The following C11orf71 variants were observed in gnomAD, a reference collection of about 807,000 sequenced individuals.
C11orf71 encodes the protein chromosome 11 open reading frame 71.
For missense variants in C11orf71, 179 were observed against 167.6 expected (o/e 1.07, Z -0.38); for synonymous variants, 72 against 73.4 (o/e 0.98, Z 0.09).
At chr11:114,394,262 CTT>C (rs796831484), downstream of C11orf71, among the ~76,000 whole-genome samples, 6,908 of 63,694 alleles carry the variant, frequency 0.11, 511 homozygotes, top group East Asian at 0.24. Context: ...CTTTTCTTTT[CTT>C]TTCTTTTCTT....
At chr11:114,397,750 A>C (rs1321637728), downstream of C11orf71, among the ~76,000 whole-genome samples, 1 of 152,144 alleles carries the variant, frequency 6.6e-6, no homozygotes, top group East Asian at 1.9e-4. Context: ...TATGCTTCCA[A>C]TGCATATTTA....
chr11:114,400,214 C>A lies in C11orf71; in HGVS notation c.118G>T (p.Gly40Cys), dbSNP rs763167777. The A allele has an allele frequency of 3.7e-6, 6 of 1,612,738 alleles. No individual in the cohort carries two copies. The African/African-American group carries it at 5.3e-5, about 14-fold the overall frequency. ...ASALAMVSGDGFLVSRPEAIH... is the reference protein window; with the variant it reads ...ASALAMVSGDCFLVSRPEAIH... Reference sequence around the variant, plus strand: ...GCTTCAGGCCTGGAAACGAGGAAGCCGTCTCCGGAGACCATCGCCAACGCT... The same window carrying A: ...GCTTCAGGCCTGGAAACGAGGAAGCAGTCTCCGGAGACCATCGCCAACGCT... The change falls in exon 1 of 1, where the codon GGC (glycine) becomes TGC (cysteine). Residue 40 changes from glycine to cysteine, a missense_variant. Physicochemically the swap from Gly to Cys is radical, Grantham distance 159. Transcript: ENST00000623205.
rs386374967 is a variant in C11orf71 at position 114,392,529 on chromosome 11, C to CAAA, written c.344-867_344-865dup. Among the ~76,000 whole-genome samples the CAAA allele has an allele frequency of 9.9e-3, 499 of 50,306 alleles. 2 individuals carry two copies. Among genetic ancestry groups the CAAA allele is most frequent in the Middle Eastern group, 0.019 (1 of 52 alleles). 33.0% of individuals were successfully genotyped at this position (50,306 alleles called of 152,430 possible). Reference sequence around the variant, plus strand: ...CTCCAGCCTAGGTGATAGAATGAGACAAAAAAAAAAAAAAAAAAAAAGAAG... The same window carrying CAAA: ...CTCCAGCCTAGGTGATAGAATGAGACAAAAAAAAAAAAAAAAAAAAAAAAGAAG... On this transcript the variant is annotated intron_variant, in intron 1 of 1. Coordinates refer to the C11orf71 transcript ENST00000325636.
downstream of C11orf71, among the ~76,000 whole-genome samples, chr11:114,397,008 A>G (rs1423241629): frequency 6.6e-6 from 1 of 152,200 alleles, no homozygotes. Flanking sequence ...CAAAACAAAA[A>G]TAACACAACT....
At chr11:114,397,855 C>A (rs1387323420), downstream of C11orf71, among the ~76,000 whole-genome samples, 1 of 152,178 alleles carries the variant, frequency 6.6e-6, no homozygotes, top group African/African-American at 2.4e-5. Flanking sequence ...CTCCCAAGTG[C>A]CCTCATTTGC....
At chr11:114,392,940 A>G (rs1024215427) in intron 1 of C11orf71, among the ~76,000 whole-genome samples, 2 of 152,218 alleles carry the variant, frequency 1.3e-5, no homozygotes, top group Admixed American at 6.5e-5. Flanking sequence ...TCTGCAAACT[A>G]AGGCCTGAAG....
At chr11:114,394,272 C>CTTTTCTTTTCTT (rs1555024256), downstream of C11orf71, among the ~76,000 whole-genome samples, 2 of 64,570 alleles carry the variant, frequency 3.1e-5, no homozygotes, top group African/African-American at 8.6e-5. Context: ...CTTTTCTTTT[C>CTTTTCTTTTCTT]TTTTCTTTTC....
In C11orf71 at chr11:114,398,857, A is replaced by G. The variant is rs899620562; in HGVS notation, c.*1103T>C. On this transcript the variant is annotated 3_prime_UTR_variant, in exon 1 of 1. Coordinates refer to ENST00000623205, the MANE Select transcript of C11orf71 (RefSeq NM_001271562.2). Reference sequence around the variant, plus strand: ...AAGATAATTATTTTAAGGAAGTCTAAACAGACAAGCGTCTGCTGGGAAAAA... The same window carrying G: ...AAGATAATTATTTTAAGGAAGTCTAGACAGACAAGCGTCTGCTGGGAAAAA... The G allele has an allele frequency of 6.6e-6, 1 of 152,172 alleles. No homozygotes were observed. Among genetic ancestry groups the G allele is most frequent in the African/African-American group, 2.4e-5 (1 of 41,438 alleles). 9.4% of individuals were successfully genotyped at this position (152,172 alleles called of 1,614,324 possible). A position where few individuals can be genotyped will look rare whatever the true frequency, so the allele number is the denominator to read the frequency against.
chr11:114,392,732 CA>C lies in C11orf71; in HGVS notation c.344-1068del, dbSNP rs200970936. Among the ~76,000 whole-genome samples, 244 of 64,472 alleles carry C rather than the reference CA, an allele frequency of 3.8e-3. 1 individual carries two copies. The highest frequency in any genetic ancestry group is 7.1e-3 in the African/African-American group (115 of 16,210). The allele number at this position is 64,472 out of a possible 152,430, so 42.3% of individuals were successfully genotyped here. A position where few individuals can be genotyped will look rare whatever the true frequency, so the allele number is the denominator to read the frequency against. Reference sequence around the variant, plus strand: ...TGAGCAATAGAGTAAGATCCTGTCTCAAAAAAAAAAAAACAAAAAAAAATTG... The same window carrying C: ...TGAGCAATAGAGTAAGATCCTGTCTCAAAAAAAAAAAACAAAAAAAAATTG... On this transcript the variant is annotated intron_variant, in intron 1 of 1. Transcript: ENST00000325636.
downstream of C11orf71, among the ~76,000 whole-genome samples, chr11:114,394,287 C>CTTTTCTTTTT (rs1405828880): frequency 1.4e-5 from 1 of 71,356 alleles, no homozygotes; most frequent in Non-Finnish European, 2.6e-5. Context: ...CTTTTCTTTT[C>CTTTTCTTTTT]TCTTATTTTC....
At position 114,399,274 on chromosome 11, in the gene C11orf71, C is replaced by T. The variant is rs943149665; in HGVS notation, c.*686G>A. ...GAACAAACACACATTTCAAGGAGGGCACTACAGTGAGTAGATGAACAGTTT... is the reference window on the plus strand; with the variant it reads ...GAACAAACACACATTTCAAGGAGGGTACTACAGTGAGTAGATGAACAGTTT... On this transcript the variant is annotated 3_prime_UTR_variant, in exon 1 of 1. Coordinates refer to ENST00000623205, the MANE Select transcript of C11orf71 (RefSeq NM_001271562.2). The T allele has an allele frequency of 1.3e-5, 2 of 152,100 alleles. No homozygotes were observed. Among genetic ancestry groups the T allele is most frequent in the African/African-American group, 4.8e-5 (2 of 41,388 alleles). 9.4% of individuals were successfully genotyped at this position (152,100 alleles called of 1,614,324 possible).
chr11:114,393,254 G>A (rs1482284180), intron 1 of C11orf71, among the ~76,000 whole-genome samples: 2 of 152,182 alleles, frequency 1.3e-5, no homozygotes, highest in African/African-American at 4.8e-5. Context: ...CAAGAAGCAA[G>A]ATCTCCACAC....
At chr11:114,393,105 A>G (rs1946085611) in intron 1 of C11orf71, among the ~76,000 whole-genome samples, 1 of 152,224 alleles carries the variant, frequency 6.6e-6, no homozygotes, top group Non-Finnish European at 1.5e-5. Flanking sequence ...TATGTTTCTC[A>G]AACCTAAAAT....
rs1258084555 is a variant in C11orf71, at chr11:114,400,278, G to A, written c.54C>T (p.Ala18=). Residue 18 remains alanine (A), a synonymous_variant, in exon 1 of 1, where the codon GCC becomes GCT. Coordinates refer to ENST00000623205, the MANE Select transcript of C11orf71 (RefSeq NM_001271562.2). ...LSSGDQRSRV[A]YRSSHGDLRP... is the part of the protein sequence containing the mutation. ...TGAGGTCGCCATGGGAAGAGCGGTAGGCCACCCTGCTCCTCTGATCACCGG... is the reference window on the plus strand; with the variant it reads ...TGAGGTCGCCATGGGAAGAGCGGTAAGCCACCCTGCTCCTCTGATCACCGG... 5 of 1,610,628 alleles carry A rather than the reference G, an allele frequency of 3.1e-6. No individual in the cohort carries two copies. The highest frequency in any genetic ancestry group is 4.2e-6 in the Non-Finnish European group (5 of 1,178,518).
In C11orf71 at chr11:114,400,426, T is replaced by C. The variant is rs900623166; in HGVS notation, c.-95A>G. ...TCAGTCCAGCCTGTGTCGGACCCGA[T>C]GACTAAGCACACAGGAACCCATAAC... On this transcript the variant is annotated 5_prime_UTR_variant, in exon 1 of 1. Coordinates refer to ENST00000623205, the MANE Select transcript of C11orf71 (RefSeq NM_001271562.2). 35 of 1,440,336 alleles carry C rather than the reference T, an allele frequency of 2.4e-5. No homozygotes were observed. In the African/African-American group the frequency reaches 4.2e-4, roughly 17 times the overall value. The allele number at this position is 1,440,336 out of a possible 1,614,324, so 89.2% of individuals were successfully genotyped here.
intron 1 of C11orf71, among the ~76,000 whole-genome samples, chr11:114,391,833 T>G (rs918803262): frequency 7.9e-5 from 12 of 151,644 alleles, no homozygotes; most frequent in African/African-American, 2.9e-4. Flanking sequence ...TATAATATAT[T>G]ATGTTGTTTT....
At chr11:114,397,410 C>G (rs955561831), downstream of C11orf71, among the ~76,000 whole-genome samples, 1 of 152,152 alleles carries the variant, frequency 6.6e-6, no homozygotes, top group Non-Finnish European at 1.5e-5. Context: ...ACAATACAGT[C>G]TTTGTGACTC....
At chr11:114,392,081 T>C (rs1277876082) in intron 1 of C11orf71, among the ~76,000 whole-genome samples, 2 of 152,136 alleles carry the variant, frequency 1.3e-5, no homozygotes, top group Non-Finnish European at 2.9e-5. Context: ...AGGTATTGGT[T>C]GCATTTTACT....
chr11:114,394,671 G>T (rs1946117261), downstream of C11orf71, among the ~76,000 whole-genome samples: 1 of 151,620 alleles, frequency 6.6e-6, no homozygotes, highest in African/African-American at 2.4e-5. Flanking sequence ...GCCTCCCAAA[G>T]TGCTGGTATT....
Sources: allele counts gnomAD v4.1 joint callset (sites outside exome capture counted in the v4.1 genomes callset), GRCh38; gene constraint gnomAD v4.1.1; transcripts MANE v1.5; gene names NCBI Gene and HGNC (gene_info 2026-07-23, HGNC 2026-07-21).